Variants in SOCS6 observed in about 807,000 individuals in gnomAD.
SOCS6 encodes the protein STAT induced STAT inhibitor-4.
In SOCS6, 5 loss-of-function variants were observed where a neutral mutation model predicts 27.7. The observed-to-expected ratio is 0.18, with a 90% CI of 0.09 to 0.38. SOCS6 has a LOEUF of 0.38. SOCS6 is among the 10% of genes least tolerant of loss of function. SOCS6 has a pLI of 1.00. For missense variants in SOCS6, 595 were observed against 688.1 expected (o/e 0.86, Z 1.51); for synonymous variants, 271 against 260.0 (o/e 1.04, Z -0.41).
At position 70,326,379 on chromosome 18, in the gene SOCS6, A is replaced by G. The variant is rs1376547685; in HGVS notation, c.*103A>G. 2.0e-6 allele frequency: 2 copies of G among 1,018,808 alleles called. No homozygotes were observed. Among genetic ancestry groups the G allele is most frequent in the Non-Finnish European group, 2.9e-6 (2 of 688,816 alleles). 63.1% of individuals were successfully genotyped at this position (1,018,808 alleles called of 1,614,324 possible). ...ATCAAAATCTTTTGCTGCCATAACTATTTCAGTTTTATGTGTAAAAGAGTC... is the reference window on the plus strand; with the variant it reads ...ATCAAAATCTTTTGCTGCCATAACTGTTTCAGTTTTATGTGTAAAAGAGTC... On this transcript the variant is annotated 3_prime_UTR_variant, in exon 2 of 2. Transcript: ENST00000397942.
At chr18:70,313,081 A>G (rs970680304) in intron 1 of SOCS6, among the ~76,000 whole-genome samples, 5 of 152,150 alleles carry the variant, frequency 3.3e-5, no homozygotes, top group East Asian at 3.8e-4. Flanking sequence ...CACCGGGTCC[A>G]TGGATTTTTT....
chr18:70,303,638 C>G (rs1173796730), intron 1 of SOCS6, among the ~76,000 whole-genome samples: 4 of 152,042 alleles, frequency 2.6e-5, no homozygotes, highest in Non-Finnish European at 5.9e-5. Context: ...ATTAAAAATA[C>G]AAAAATTAGC....
intron 1 of SOCS6, among the ~76,000 whole-genome samples, chr18:70,323,628 C>G (rs1314007926): frequency 6.6e-6 from 1 of 152,156 alleles, no homozygotes; most frequent in Non-Finnish European, 1.5e-5. Context: ...TCTTCCTCCT[C>G]TGTGCATTGG....
intron 1 of SOCS6, among the ~76,000 whole-genome samples, chr18:70,308,902 A>AT (rs2062379580): frequency 6.6e-6 from 1 of 151,992 alleles, no homozygotes; most frequent in African/African-American, 2.4e-5. Context: ...TTACATGGAA[A>AT]TTTTTTCCTG....
intron 1 of SOCS6, among the ~76,000 whole-genome samples, chr18:70,319,474 T>A (rs971255598): frequency 2.6e-5 from 4 of 152,196 alleles, no homozygotes; most frequent in African/African-American, 4.8e-5. Context: ...TTGTCTTTTT[T>A]ACTGATGGTA....
Position 70,325,602 on chromosome 18 carries a change from C to T in SOCS6, c.934C>T (p.Pro312Ser), listed in dbSNP as rs1911175288. 6.2e-7 allele frequency: 1 copy of T among 1,614,162 alleles called. No individual in the cohort carries two copies. The highest frequency in any genetic ancestry group is 1.6e-4 in the Middle Eastern group (1 of 6,062). Residue 312 changes from proline to serine, a missense_variant, in exon 2 of 2, where the codon CCA becomes TCA. Physicochemically the swap from Pro to Ser is moderately conservative, Grantham distance 74. Transcript: ENST00000397942. This position sits in a 1 kb window ranked among gnomAD's most constrained non-coding sequence, Gnocchi z 6.3. Reference protein sequence around the residue: ...AGHDDVPPLSPLLPPMQNNQI... With the variant: ...AGHDDVPPLSSLLPPMQNNQI... Reference sequence around the variant, plus strand: ...TCACGATGATGTCCCTCCACTCTCACCATTGCTACCTCCAATGCAGAATAA... The same window carrying T: ...TCACGATGATGTCCCTCCACTCTCATCATTGCTACCTCCAATGCAGAATAA...
chr18:70,317,442 A>G (rs916666726), intron 1 of SOCS6, among the ~76,000 whole-genome samples: 2 of 138,930 alleles, frequency 1.4e-5, no homozygotes, highest in Admixed American at 7.4e-5. Context: ...GTGTGTGTGT[A>G]TACACATACA....
intron 1 of SOCS6, among the ~76,000 whole-genome samples, chr18:70,322,101 C>G (rs548498924): frequency 6.6e-6 from 1 of 152,214 alleles, no homozygotes; most frequent in South Asian, 2.1e-4. Context: ...AAGTTTATGT[C>G]TAAAGCTTTT....
At chr18:70,323,401 T>G (rs1400418247) in intron 1 of SOCS6, among the ~76,000 whole-genome samples, 2 of 152,220 alleles carry the variant, frequency 1.3e-5, no homozygotes, top group Admixed American at 6.5e-5. Context: ...TGAAATCCTG[T>G]CATTTCAGTG....
chr18:70,326,536 G>A lies in SOCS6; in HGVS notation c.*260G>A. The A allele has an allele frequency of 2.3e-6, 1 of 429,986 alleles. No individual in the cohort carries two copies. 26.6% of individuals were successfully genotyped at this position (429,986 alleles called of 1,614,324 possible). A position where few individuals can be genotyped will look rare whatever the true frequency, so the allele number is the denominator to read the frequency against. On this transcript the variant is annotated 3_prime_UTR_variant, in exon 2 of 2. Coordinates refer to ENST00000397942, the MANE Select transcript of SOCS6 (RefSeq NM_004232.4). ...TCAATGTGCAGAATAATCACAATGT[G>A]AATTATCAAATTCTCCTCAATGCCC...
At chr18:70,303,036 T>C (rs996381013) in intron 1 of SOCS6, among the ~76,000 whole-genome samples, 1 of 152,206 alleles carries the variant, frequency 6.6e-6, no homozygotes, top group Non-Finnish European at 1.5e-5. Context: ...GGTTTTATTC[T>C]TATAAAAACA....
Position 70,327,581 on chromosome 18 carries a change from A to C in SOCS6, c.*1305A>C, listed in dbSNP as rs1911257651. 8.4e-5 allele frequency: 14 copies of C among 166,922 alleles called. No individual in the cohort carries two copies. 10.3% of individuals were successfully genotyped at this position (166,922 alleles called of 1,614,324 possible). On this transcript the variant is annotated 3_prime_UTR_variant, in exon 2 of 2. Transcript: ENST00000397942. ...TCTTAAGTAATTTGCCGTTGCTAAT[A>C]ATTTTATCTCCTTGAGTCGGTTGTT...
chr18:70,306,651 C>T (rs967101668), intron 1 of SOCS6, among the ~76,000 whole-genome samples: 1 of 151,992 alleles, frequency 6.6e-6, no homozygotes, highest in East Asian at 1.9e-4. Flanking sequence ...ATGTCCTTGT[C>T]TTGCCCCCAG....
intron 1 of SOCS6, among the ~76,000 whole-genome samples, chr18:70,293,781 C>T (rs9954699): frequency 0.11 from 16,217 of 152,004 alleles, 1,074 homozygotes; most frequent in Middle Eastern, 0.19. Flanking sequence ...TGATGTTTCT[C>T]TCAGAGCTGG....
At position 70,327,267 on chromosome 18, in the gene SOCS6, A is replaced by G. The variant is rs1911244483; in HGVS notation, c.*991A>G. The G allele has an allele frequency of 6.0e-6, 1 of 166,972 alleles. No homozygotes were observed. Among genetic ancestry groups the G allele is most frequent in the East Asian group, 1.9e-4 (1 of 5,190 alleles). 10.3% of individuals were successfully genotyped at this position (166,972 alleles called of 1,614,324 possible). The stretch of plus-strand genomic sequence containing the variant: ...TGGACTGGATTCTCTTGCAACATTA[A>G]TGTTTATAAAAAGTTTTAAATTGAT... On this transcript the variant is annotated 3_prime_UTR_variant, in exon 2 of 2. Transcript: ENST00000397942.
chr18:70,318,937 A>C (rs1910874635), intron 1 of SOCS6, among the ~76,000 whole-genome samples: 1 of 152,130 alleles, frequency 6.6e-6, no homozygotes, highest in Non-Finnish European at 1.5e-5. Flanking sequence ...ATTCCGTCTC[A>C]CAAAAAAAAG....
intron 1 of SOCS6, among the ~76,000 whole-genome samples, chr18:70,318,010 C>T (rs1312061812): frequency 6.6e-6 from 1 of 152,138 alleles, no homozygotes; most frequent in African/African-American, 2.4e-5. Flanking sequence ...CACACTATCA[C>T]ACCCAGCTAA....
In SOCS6 at chr18:70,329,678, A is replaced by C. The variant is rs1413051035; in HGVS notation, c.*3402A>C. On this transcript the variant is annotated 3_prime_UTR_variant, in exon 2 of 2. Coordinates refer to ENST00000397942, the MANE Select transcript of SOCS6 (RefSeq NM_004232.4). ...TTTCTTGAAAACTCTAATAAGGAAC[A>C]ATAGCCAGTTCCGTAAATAACTTTA... 1 of 167,136 alleles carries C rather than the reference A, an allele frequency of 6.0e-6. No individual in the cohort carries two copies. The highest frequency in any genetic ancestry group is 2.4e-5 in the African/African-American group (1 of 41,476). 10.4% of individuals were successfully genotyped at this position (167,136 alleles called of 1,614,324 possible).
chr18:70,310,976 T>C (rs906018829), intron 1 of SOCS6, among the ~76,000 whole-genome samples: 1 of 152,208 alleles, frequency 6.6e-6, no homozygotes, highest in African/African-American at 2.4e-5. Context: ...AGAGCTCTTA[T>C]GAGGATTCAA....
Sources: gnomAD v4.1 joint callset for allele counts (sites outside exome capture counted in the v4.1 genomes callset) on GRCh38, gnomAD v4.1.1 for gene constraint, Gnocchi (gnomAD v3.1) non-coding constraint, MANE v1.5 for transcripts, NCBI Gene and HGNC (gene_info 2026-07-23, HGNC 2026-07-21) for gene names.